SLC27A2: variants seen among roughly 807,000 people sequenced by gnomAD.
SLC27A2 encodes the protein long-chain fatty acid transport protein 2.
A neutral mutation model predicts 60.0 loss-of-function variants in SLC27A2; 54 were observed. The observed-to-expected ratio is 0.90, with a 90% CI of 0.72 to 1.13. The LOEUF (loss-of-function observed/expected upper bound fraction) is 1.13, where lower values mean the gene tolerates loss of function less well. Ranked by LOEUF, SLC27A2 falls within the 50% of genes most tolerant of loss-of-function variation. The probability of loss-of-function intolerance (pLI) is 0.00; values close to 1 mark genes in which losing one functional copy is unlikely to be tolerated. For synonymous variants in SLC27A2, 297 were observed against 297.6 expected, an observed-to-expected ratio of 1.00 and a Z score of 0.02; for missense variants, 739 against 777.6, an observed-to-expected ratio of 0.95 and a Z score of 0.59.
chr15:50,203,169 CAGAGTG>C (rs2045079669), intron 3 of SLC27A2, among the ~76,000 whole-genome samples: 1 of 151,990 alleles, frequency 6.6e-6, no homozygotes, highest in East Asian at 1.9e-4. Flanking sequence ...GCCTGGGTGA[CAGAGTG>C]AGACCTTGAC....
intron 4 of SLC27A2, among the ~76,000 whole-genome samples, chr15:50,209,617 T>C (rs1489988188): frequency 6.6e-6 from 1 of 152,148 alleles, no homozygotes; most frequent in Non-Finnish European, 1.5e-5. Flanking sequence ...AAGCCATGAC[T>C]AAAGGGCCTT....
chr15:50,235,945 T>A lies in SLC27A2; in HGVS notation c.1712T>A (p.Phe571Tyr), dbSNP rs1388386067. ...GACACCATTGAGATCACTGGAACTT[T>A]TAAACACCGCAAAATGACCCTGGTG... is the stretch of plus-strand genomic sequence containing the variant. ...IQDTIEITGTFKHRKMTLVEE... is the reference protein window; with the variant it reads ...IQDTIEITGTYKHRKMTLVEE... Residue 571 changes from phenylalanine (F) to tyrosine (Y), a missense_variant, in exon 10 of 10, where the codon TTT (phenylalanine) becomes TAT (tyrosine). Phe to Tyr is a conservative substitution (Grantham distance 22, BLOSUM62 3). Transcript: ENST00000267842. 5.0e-6 allele frequency: 8 copies of A among 1,612,902 alleles called. No individual in the cohort carries two copies. Among genetic ancestry groups the A allele is most frequent in the Non-Finnish European group, 6.8e-6 (8 of 1,179,494 alleles).
At chr15:50,202,735 C>T in intron 3 of SLC27A2, 90 bp downstream of exon 3, 1 of 1,314,378 alleles carries the variant, frequency 7.6e-7, no homozygotes, top group South Asian at 1.3e-5. Flanking sequence ...ACGTTGCTGT[C>T]TGCTAGGAAC....
At chr15:50,197,153 T>C (rs947860609) in intron 1 of SLC27A2, among the ~76,000 whole-genome samples, 2 of 123,022 alleles carry the variant, frequency 1.6e-5, no homozygotes, top group Non-Finnish European at 3.4e-5. Context: ...TTCCCTCAAA[T>C]ATTGGAATCC....
intron 1 of SLC27A2, among the ~76,000 whole-genome samples, chr15:50,183,906 C>T (rs1327414847): frequency 1.3e-5 from 2 of 151,476 alleles, no homozygotes; most frequent in East Asian, 3.9e-4. Context: ...TCCCCACCAC[C>T]ACCACCACCA....
At chr15:50,206,900 C>G (rs1466373734) in intron 4 of SLC27A2, among the ~76,000 whole-genome samples, 1 of 152,162 alleles carries the variant, frequency 6.6e-6, no homozygotes, top group Non-Finnish European at 1.5e-5. Flanking sequence ...TTGGCATATT[C>G]AATAGATTCT....
chr15:50,190,710 G>C (rs2044966267), intron 1 of SLC27A2, among the ~76,000 whole-genome samples: 1 of 151,706 alleles, frequency 6.6e-6, no homozygotes, highest in African/African-American at 2.4e-5. Flanking sequence ...TGGGGGAGTA[G>C]TGTTGTAATC....
intron 9 of SLC27A2, among the ~76,000 whole-genome samples, chr15:50,235,684 G>A (rs1421574640): frequency 6.6e-6 from 1 of 152,132 alleles, no homozygotes; most frequent in Non-Finnish European, 1.5e-5. Flanking sequence ...ACTATTCCAC[G>A]ATGTATATGT....
intron 3 of SLC27A2, 130 bp from the exon 4 acceptor site, chr15:50,205,109 G>A: frequency 1.9e-6 from 2 of 1,061,114 alleles, no homozygotes; most frequent in Admixed American, 2.7e-5. Context: ...TTGAATATAA[G>A]GTACTCAATA....
chr15:50,196,472 T>C (rs2045024805), intron 1 of SLC27A2, among the ~76,000 whole-genome samples: 1 of 152,132 alleles, frequency 6.6e-6, no homozygotes, highest in South Asian at 2.1e-4. Context: ...ATAACATTTA[T>C]TGATAAGATT....
At chr15:50,234,543 C>T (rs1003007430) in intron 9 of SLC27A2, among the ~76,000 whole-genome samples, 8 of 148,508 alleles carry the variant, frequency 5.4e-5, no homozygotes, top group Middle Eastern at 3.5e-3. Context: ...GCTGGGATCA[C>T]GCCACTGCAC....
intron 1 of SLC27A2, among the ~76,000 whole-genome samples, chr15:50,189,110 A>AT (rs1275634488): frequency 6.6e-6 from 1 of 152,202 alleles, no homozygotes; most frequent in South Asian, 2.1e-4. Context: ...ATTCTGGTTG[A>AT]TTGTGACAGG....
chr15:50,236,133 A>G lies in SLC27A2; in HGVS notation c.*37A>G, dbSNP rs375748964. ...AGGATAACTCAACATTTCCAGAAAG[A>G]AACTGAATGGACAGCCACTTGATAT... On this transcript the variant is annotated 3_prime_UTR_variant, in exon 10 of 10. Transcript: ENST00000267842. The G allele has an allele frequency of 1.2e-4, 171 of 1,470,174 alleles. No individual in the cohort carries two copies. The African/African-American group carries it at 2.3e-3, about 20-fold the overall frequency. The allele number at this position is 1,470,174 out of a possible 1,614,324, so 91.1% of individuals were successfully genotyped here.
intron 3 of SLC27A2, 118 bp from the exon 4 acceptor site, chr15:50,205,121 T>A: frequency 1.6e-6 from 2 of 1,280,308 alleles, no homozygotes; most frequent in Non-Finnish European, 2.1e-6. Context: ...TACTCAATAC[T>A]TGTTTGCAAA....
Position 50,236,206 on chromosome 15 carries a change from A to T in SLC27A2, c.*110A>T, listed in dbSNP as rs2045351114. On this transcript the variant is annotated 3_prime_UTR_variant, in exon 10 of 10. Coordinates refer to ENST00000267842, the MANE Select transcript of SLC27A2 (RefSeq NM_003645.4). ...AGATTGTGAGGAAATTTTGTAGGAA[A>T]TTTGCATACCCGTAAAGGGAGACTT... 2.2e-6 allele frequency: 2 copies of T among 927,352 alleles called. No individual in the cohort carries two copies. The highest frequency in any genetic ancestry group is 3.2e-6 in the Non-Finnish European group (2 of 632,242). The allele number at this position is 927,352 out of a possible 1,614,324, so 57.4% of individuals were successfully genotyped here.
chr15:50,182,215 G>A lies in SLC27A2; in HGVS notation c.-213G>A, dbSNP rs1017168540. The A allele has an allele frequency of 5.9e-6, 4 of 682,942 alleles. No homozygotes were observed. In the East Asian group the frequency reaches 1.2e-4, roughly 20 times the overall value. 42.3% of individuals were successfully genotyped at this position (682,942 alleles called of 1,614,324 possible). ...CCGGCCAGTCCTGCCCGGAACCCCC[G>A]GCAACGCGCATACGACTACACCTGC... On this transcript the variant is annotated 5_prime_UTR_variant, in exon 1 of 10. Transcript: ENST00000267842.
At chr15:50,193,209 C>T (rs2044988675) in intron 1 of SLC27A2, among the ~76,000 whole-genome samples, 1 of 152,216 alleles carries the variant, frequency 6.6e-6, no homozygotes, top group East Asian at 1.9e-4. Flanking sequence ...TCTCAGTTTA[C>T]AGGGCACTTC....
chr15:50,222,893 G>A, intron 4 of SLC27A2, 72 bp from the exon 5 acceptor site: 1 of 1,200,310 alleles, frequency 8.3e-7, no homozygotes, highest in East Asian at 2.4e-5. Flanking sequence ...ACAAAATAAA[G>A]GCAATTATTA....
chr15:50,214,339 C>T (rs2045179865), intron 4 of SLC27A2, among the ~76,000 whole-genome samples: 1 of 151,356 alleles, frequency 6.6e-6, no homozygotes, highest in African/African-American at 2.4e-5. Context: ...AAATTACCGA[C>T]AAAAAAAAGT....
Sources: gnomAD v4.1 joint callset for allele counts (sites outside exome capture counted in the v4.1 genomes callset) on GRCh38, gnomAD v4.1.1 for gene constraint, MANE v1.5 for transcripts, NCBI Gene and HGNC (gene_info 2026-07-23, HGNC 2026-07-21) for gene names.